The following CDH13 variants were observed in gnomAD, a reference collection of about 807,000 sequenced individuals.
CDH13 encodes the protein cadherin 13.
CDH13 carries 24 observed loss-of-function variants against 63.8 expected under a neutral mutation model. The ratio of observed to expected loss-of-function variants is 0.38; its 90% CI spans 0.27 to 0.53. The LOEUF is 0.53. Among genes scored for constraint, CDH13 ranks in the 20% least tolerant of loss-of-function variants. The pLI is 0.85. For synonymous variants in CDH13, 503 were observed against 355.3 expected (o/e 1.42, Z -4.67); for missense variants, 1,049 against 903.1 (o/e 1.16, Z -2.07).
intron 1 of CDH13, among the ~76,000 whole-genome samples, chr16:82,635,611 T>G (rs756452964): frequency 2.0e-5 from 3 of 152,164 alleles, no homozygotes; most frequent in Non-Finnish European, 4.4e-5. Context: ...GCAAATGGGT[T>G]GGAGCTGGGT....
chr16:83,733,336 A>T (rs1220471485), intron 10 of CDH13, among the ~76,000 whole-genome samples: 1 of 152,126 alleles, frequency 6.6e-6, no homozygotes, highest in Admixed American at 6.5e-5. Context: ...CTCCTTGTGA[A>T]ACCCAGATGC....
intron 3 of CDH13, among the ~76,000 whole-genome samples, chr16:83,102,556 C>A (rs1232759893): frequency 6.6e-6 from 1 of 152,120 alleles, no homozygotes; most frequent in Admixed American, 6.5e-5. Context: ...ACACTGGCTT[C>A]ACTCCAGGTG....
At position 83,432,309 on chromosome 16, in the gene CDH13, G is replaced by T. The variant is rs575540137; in HGVS notation, c.782-54168G>T. ...TCAGTAGCTGCAGTAGCTCCTTCTA[G>T]TGCTGTGCCAGGCACAGAACTCATA... On this transcript the variant is annotated intron_variant, in intron 6 of 13. Transcript: ENST00000567109. Among the ~76,000 whole-genome samples, 9 of 152,294 alleles carry T rather than the reference G, an allele frequency of 5.9e-5. No homozygotes were observed. In the South Asian group the frequency reaches 1.9e-3, roughly 32 times the overall value.
intron 7 of CDH13, among the ~76,000 whole-genome samples, chr16:83,521,037 C>T (rs2151619111): frequency 6.6e-6 from 1 of 152,202 alleles, no homozygotes; most frequent in South Asian, 2.1e-4. Flanking sequence ...AACATCTGTT[C>T]TAATATATAC....
intron 10 of CDH13, among the ~76,000 whole-genome samples, chr16:83,727,411 C>A (rs549125178): frequency 6.6e-6 from 1 of 151,830 alleles, no homozygotes; most frequent in South Asian, 2.1e-4. Flanking sequence ...CATGTGGAAA[C>A]GTTGGAAGAA....
At chr16:82,861,537 G>A (rs2151171986) in intron 2 of CDH13, among the ~76,000 whole-genome samples, 1 of 152,252 alleles carries the variant, frequency 6.6e-6, no homozygotes, top group Admixed American at 6.5e-5. Flanking sequence ...TGCTATCTTT[G>A]TTCAGACAGT....
rs147679724 is a variant in CDH13 at position 82,816,227 on chromosome 16, G to A, written c.46-42135G>A. Among the ~76,000 whole-genome samples the A allele has an allele frequency of 3.9e-3, 592 of 152,166 alleles. 4 individuals carry two copies. The highest frequency in any genetic ancestry group is 0.031 in the Middle Eastern group (9 of 294). On this transcript the variant is annotated intron_variant, in intron 1 of 13. Coordinates refer to ENST00000567109, the MANE Select transcript of CDH13 (RefSeq NM_001257.5). Reference sequence around the variant, plus strand: ...GCAGCCTTCCAACAGGCACATCCTTGTTCTTCCCACTATCTTATTATTTGT... The same window carrying A: ...GCAGCCTTCCAACAGGCACATCCTTATTCTTCCCACTATCTTATTATTTGT...
At chr16:83,752,860 G>T (rs989581798) in intron 11 of CDH13, among the ~76,000 whole-genome samples, 1 of 152,204 alleles carries the variant, frequency 6.6e-6, no homozygotes, top group Non-Finnish European at 1.5e-5. Context: ...ATCCCACCCA[G>T]GTGGGGGTTT....
intron 3 of CDH13, among the ~76,000 whole-genome samples, chr16:83,089,069 C>T (rs1247046506): frequency 6.6e-6 from 1 of 152,112 alleles, no homozygotes; most frequent in East Asian, 1.9e-4. Flanking sequence ...TTACAGACTC[C>T]TGAGGCAGGG....
At chr16:82,703,215 AC>A (rs2031196273) in intron 1 of CDH13, among the ~76,000 whole-genome samples, 1 of 152,084 alleles carries the variant, frequency 6.6e-6, no homozygotes, top group South Asian at 2.1e-4. Context: ...CTACACACAC[AC>A]ACACACACAC....
At chr16:82,925,568 C>G (rs1464474093) in intron 2 of CDH13, among the ~76,000 whole-genome samples, 1 of 152,142 alleles carries the variant, frequency 6.6e-6, no homozygotes. Context: ...GTGTCCCCAG[C>G]CATTGTGGCA....
chr16:82,785,251 A>G (rs949284606), intron 1 of CDH13, among the ~76,000 whole-genome samples: 39 of 152,196 alleles, frequency 2.6e-4, no homozygotes, highest in African/African-American at 8.9e-4. Context: ...TGGGTTGGAA[A>G]GGCTGCCCAC....
At chr16:83,717,642 C>G (rs1360129526) in intron 10 of CDH13, among the ~76,000 whole-genome samples, 2 of 152,274 alleles carry the variant, frequency 1.3e-5, no homozygotes, top group Admixed American at 6.5e-5. Flanking sequence ...TCACCTCTCA[C>G]TGCCTCAATT....
intron 2 of CDH13, among the ~76,000 whole-genome samples, chr16:82,888,756 A>G (rs1273487379): frequency 1.3e-5 from 2 of 152,122 alleles, no homozygotes; most frequent in Admixed American, 6.6e-5. Flanking sequence ...AGCTGCCCCT[A>G]AGTGTAGTTA....
intron 7 of CDH13, among the ~76,000 whole-genome samples, chr16:83,539,240 G>C (rs1460619113): frequency 1.3e-5 from 2 of 152,100 alleles, no homozygotes; most frequent in African/African-American, 2.4e-5. Context: ...TCAGGCATTA[G>C]TTAGATTCTC....
At chr16:82,735,714 C>G (rs925830219) in intron 1 of CDH13, among the ~76,000 whole-genome samples, 8 of 152,152 alleles carry the variant, frequency 5.3e-5, no homozygotes. Context: ...CTGAGGAAAG[C>G]GAGACCACAA....
intron 3 of CDH13, among the ~76,000 whole-genome samples, chr16:83,122,529 A>G (rs1302669956): frequency 6.6e-6 from 1 of 152,198 alleles, no homozygotes; most frequent in Admixed American, 6.5e-5. Flanking sequence ...CCCACTGATC[A>G]TATAATAACA....
At chr16:83,193,056 G>T (rs28515664) in intron 4 of CDH13, among the ~76,000 whole-genome samples, 22,904 of 151,854 alleles carry the variant, frequency 0.15, 2,764 homozygotes, top group African/African-American at 0.33. Context: ...TGGCACACTC[G>T]GAGTTGTCTG....
At chr16:82,964,944 T>G (rs1366550743) in intron 2 of CDH13, among the ~76,000 whole-genome samples, 1 of 152,208 alleles carries the variant, frequency 6.6e-6, no homozygotes, top group East Asian at 1.9e-4. Context: ...CCTTCTTGAT[T>G]ATCCTCCAAG....
Sources: gnomAD v4.1 joint callset for allele counts (sites outside exome capture counted in the v4.1 genomes callset) on GRCh38, gnomAD v4.1.1 for gene constraint, MANE v1.5 for transcripts, NCBI Gene and HGNC (gene_info 2026-07-23, HGNC 2026-07-21) for gene names.